Variants in SEMA6D observed in about 807,000 individuals in gnomAD.
SEMA6D encodes the protein semaphorin 6D, also known as semaphorin-6D.
SEMA6D carries 35 observed loss-of-function variants against 106.6 expected under a neutral mutation model. The observed-to-expected ratio is 0.33, with a 90% CI of 0.25 to 0.44. The LOEUF is 0.44. Among genes scored for constraint, SEMA6D ranks in the 20% least tolerant of loss-of-function variants. The probability of loss-of-function intolerance (pLI) is 1.00; values close to 1 mark genes in which losing one functional copy is unlikely to be tolerated. For missense variants in SEMA6D, 1,185 were observed against 1,345.9 expected (o/e 0.88, Z 1.87); for synonymous variants, 499 against 487.7 (o/e 1.02, Z -0.31).
At chr15:47,257,341 G>A (rs1229095950) in intron 1 of SEMA6D, among the ~76,000 whole-genome samples, 2 of 152,180 alleles carry the variant, frequency 1.3e-5, no homozygotes, top group Non-Finnish European at 2.9e-5. Flanking sequence ...ACAGGCGTGA[G>A]CCACTGCACC....
At chr15:47,716,132 T>G (rs374992545), upstream of SEMA6D, among the ~76,000 whole-genome samples, 4 of 152,196 alleles carry the variant, frequency 2.6e-5, no homozygotes, top group African/African-American at 9.7e-5. Context: ...CAGAGCTGTG[T>G]TGCCAAAGCT....
intron 1 of SEMA6D, among the ~76,000 whole-genome samples, chr15:47,287,918 C>G (rs984606698): frequency 5.3e-5 from 8 of 152,132 alleles, no homozygotes; most frequent in African/African-American, 1.9e-4. Flanking sequence ...CCAAGGAGGC[C>G]TCAGGAAGCT....
At chr15:47,240,649 C>G (rs1467329343) in intron 1 of SEMA6D, among the ~76,000 whole-genome samples, 1 of 152,100 alleles carries the variant, frequency 6.6e-6, no homozygotes, top group Non-Finnish European at 1.5e-5. Flanking sequence ...AAACAGTACT[C>G]TAATGCTGTT....
intron 1 of SEMA6D, among the ~76,000 whole-genome samples, chr15:47,294,615 A>G (rs73399051): frequency 0.046 from 7,017 of 152,230 alleles, 578 homozygotes; most frequent in African/African-American, 0.16. Flanking sequence ...TGAGGTAGGA[A>G]AAGAATAACT....
At chr15:47,675,070 G>C (rs141695909) in intron 4 of SEMA6D, among the ~76,000 whole-genome samples, 8 of 152,232 alleles carry the variant, frequency 5.3e-5, no homozygotes, top group Non-Finnish European at 1.2e-4. Context: ...CGATCCAGGA[G>C]TGACCTTGGT....
At chr15:47,644,620 C>A (rs1337204105) in intron 4 of SEMA6D, among the ~76,000 whole-genome samples, 2 of 152,216 alleles carry the variant, frequency 1.3e-5, no homozygotes, top group African/African-American at 4.8e-5. Context: ...CTCTCTTGCC[C>A]TTCTGCCTTC....
At chr15:47,748,251 G>C (rs1217865369) in intron 1 of SEMA6D, among the ~76,000 whole-genome samples, 1 of 152,224 alleles carries the variant, frequency 6.6e-6, no homozygotes, top group African/African-American at 2.4e-5. Context: ...AAGATTCGCT[G>C]TTGGGTTGAT....
At chr15:47,758,447 G>T (rs898687686) in intron 1 of SEMA6D, among the ~76,000 whole-genome samples, 6 of 152,130 alleles carry the variant, frequency 3.9e-5, no homozygotes, top group African/African-American at 9.7e-5. Context: ...TTGGTTGAGG[G>T]GGGGGTGTTA....
At chr15:47,537,481 G>A (rs2045207643) in intron 3 of SEMA6D, among the ~76,000 whole-genome samples, 3 of 152,168 alleles carry the variant, frequency 2.0e-5, no homozygotes, top group Non-Finnish European at 2.9e-5. Context: ...TGGAAAGTTA[G>A]GCAGAGTTTA....
chr15:47,354,303 T>TTA (rs3985870), intron 1 of SEMA6D, among the ~76,000 whole-genome samples: 65,471 of 140,766 alleles, frequency 0.47, 17,200 homozygotes, highest in African/African-American at 0.73. Context: ...GAGAGAGAGC[T>TTA]TATATATATA....
intron 4 of SEMA6D, among the ~76,000 whole-genome samples, chr15:47,621,236 G>A (rs1204045565): frequency 3.9e-5 from 6 of 152,150 alleles, no homozygotes; most frequent in Non-Finnish European, 8.8e-5. Flanking sequence ...AACATGCAGT[G>A]CTCACTTGCA....
chr15:47,401,004 T>G (rs2040380372), intron 1 of SEMA6D, among the ~76,000 whole-genome samples: 1 of 152,204 alleles, frequency 6.6e-6, no homozygotes, highest in Admixed American at 6.5e-5. Context: ...GTGTAACAAA[T>G]TATTTAATTT....
intron 2 of SEMA6D, chr15:47,470,423 T>C (rs1221453676): frequency 6.6e-6 from 1 of 151,554 alleles, no homozygotes; most frequent in African/African-American, 2.4e-5. Context: ...TTTCACAGCA[T>C]TTGTAGCTAT....
chr15:47,381,865 T>G (rs1388684693), intron 1 of SEMA6D, among the ~76,000 whole-genome samples: 1 of 152,178 alleles, frequency 6.6e-6, no homozygotes, highest in Non-Finnish European at 1.5e-5. Context: ...TAACTCCTCT[T>G]GTGCATAGTT....
chr15:47,338,987 A>T (rs1430646463), intron 1 of SEMA6D: 1 of 152,170 alleles, frequency 6.6e-6, no homozygotes, highest in African/African-American at 2.4e-5. Context: ...CTGGGTTTAG[A>T]TCATGTACTT....
In SEMA6D at chr15:47,385,065, T is replaced by TTTTTTTTTA. The variant is rs35758807; in HGVS notation, c.-238-27328_-238-27327insTTTTTTTTA. ...CTGTAATTTTTTTTTTTTTTTTTTT[T>TTTTTTTTTA]ACCATAGAACTCATAAGGCAGCGTT... On this transcript the variant is annotated intron_variant, in intron 1 of 19. Transcript: ENST00000558014. 6.6e-5 allele frequency among the ~76,000 whole-genome samples: 9 copies of TTTTTTTTTA among 137,154 alleles called. 1 individual carries two copies. The highest frequency in any genetic ancestry group is 7.5e-5 in the Admixed American group (1 of 13,306). The allele number at this position is 137,154 out of a possible 152,430, so 90.0% of individuals were successfully genotyped here.
intron 3 of SEMA6D, among the ~76,000 whole-genome samples, chr15:47,525,730 A>G (rs1375961002): frequency 1.3e-5 from 2 of 152,120 alleles, no homozygotes; most frequent in Non-Finnish European, 2.9e-5. Flanking sequence ...GTCTGACCCC[A>G]CTGTAAAGTC....
At chr15:47,353,247 GA>G (rs1247152619) in intron 1 of SEMA6D, among the ~76,000 whole-genome samples, 1 of 151,972 alleles carries the variant, frequency 6.6e-6, no homozygotes, top group Non-Finnish European at 1.5e-5. Flanking sequence ...CTTTGTAATG[GA>G]GGCCTTAGAT....
At chr15:47,613,547 T>G (rs1038612851) in intron 4 of SEMA6D, among the ~76,000 whole-genome samples, 1 of 152,214 alleles carries the variant, frequency 6.6e-6, no homozygotes, top group Non-Finnish European at 1.5e-5. Flanking sequence ...TTTAACATTT[T>G]TCCTTTGTCG....
Sources: allele counts gnomAD v4.1 joint callset (sites outside exome capture counted in the v4.1 genomes callset), GRCh38; gene constraint gnomAD v4.1.1; transcripts MANE v1.5; gene names NCBI Gene and HGNC (gene_info 2026-07-23, HGNC 2026-07-21).